The following FGF2 variants were observed in gnomAD, a reference collection of about 807,000 sequenced individuals.
The protein encoded by FGF2 is basic fibroblast growth factor bFGF.
Under a neutral mutation model 15.9 loss-of-function variants are expected in FGF2, and 13 were observed. The ratio of observed to expected loss-of-function variants is 0.82; its 90% CI spans 0.53 to 1.30. The LOEUF (loss-of-function observed/expected upper bound fraction) is 1.30. FGF2 is among the 50% of genes most tolerant of loss of function. FGF2 has a pLI of 0.00. For synonymous variants in FGF2, 90 were observed against 78.4 expected, an observed-to-expected ratio of 1.15 and a Z score of -0.78; for missense variants, 163 against 196.9, an observed-to-expected ratio of 0.83 and a Z score of 1.03.
At position 122,897,350 on chromosome 4, in the gene FGF2, C is replaced by G. The variant is rs552375660; in HGVS notation, c.*4954C>G. 2.5e-5 allele frequency: 10 copies of G among 399,604 alleles called. No homozygotes were observed. Among genetic ancestry groups the G allele is most frequent in the African/African-American group, 1.7e-4 (8 of 48,432 alleles). 24.8% of individuals were successfully genotyped at this position (399,604 alleles called of 1,614,324 possible). Reference sequence around the variant, plus strand: ...AAACTTTACTGATGTATATCCAAAGCTTCTCATTTTCAGACAGATTAATCC... The same window carrying G: ...AAACTTTACTGATGTATATCCAAAGGTTCTCATTTTCAGACAGATTAATCC... On this transcript the variant is annotated 3_prime_UTR_variant, in exon 3 of 3. Coordinates refer to ENST00000644866, the MANE Select transcript of FGF2 (RefSeq NM_001361665.2).
intron 1 of FGF2, among the ~76,000 whole-genome samples, chr4:122,868,119 A>G (rs1039383441): frequency 2.6e-5 from 4 of 152,060 alleles, no homozygotes; most frequent in Non-Finnish European, 5.9e-5. Context: ...TATTATTGAT[A>G]TGGTTAGTTT....
Position 122,832,891 on chromosome 4 carries a change from T to C in FGF2, c.178+5539T>C, listed in dbSNP as rs536136891. On this transcript the variant is annotated intron_variant, in intron 1 of 2. Coordinates refer to ENST00000644866, the MANE Select transcript of FGF2 (RefSeq NM_001361665.2). ...ACAAGGCCTTTTAAGCTAGGTTATG[T>C]ATAGCCACAGGAATTTAGGAGAGGA... is the stretch of plus-strand genomic sequence containing the variant. Among the ~76,000 whole-genome samples the C allele has an allele frequency of 1.4e-3, 212 of 152,326 alleles. 3 individuals carry two copies. Among genetic ancestry groups the C allele is most frequent in the Non-Finnish European group, 5.9e-4 (40 of 68,022 alleles).
Position 122,827,115 on chromosome 4 carries a change from A to C in FGF2, c.-60A>C. The C allele has an allele frequency of 7.9e-7, 1 of 1,259,076 alleles. No homozygotes were observed. The highest frequency in any genetic ancestry group is 1.0e-6 in the Non-Finnish European group (1 of 1,004,874). The allele number at this position is 1,259,076 out of a possible 1,614,324, so 78.0% of individuals were successfully genotyped here. A position where few individuals can be genotyped will look rare whatever the true frequency, so the allele number is the denominator to read the frequency against. Reference sequence around the variant, plus strand: ...CGGAGGCCGGGGCCGGGGCCGGGGGACGGCGGCTCCCCGCGCGGCTCCAGC... The same window carrying C: ...CGGAGGCCGGGGCCGGGGCCGGGGGCCGGCGGCTCCCCGCGCGGCTCCAGC... On this transcript the variant is annotated 5_prime_UTR_variant, in exon 1 of 3. Coordinates refer to ENST00000644866, the MANE Select transcript of FGF2 (RefSeq NM_001361665.2). This position sits in a 1 kb window ranked among gnomAD's most constrained non-coding sequence, Gnocchi z 4.2.
rs148016046 is a variant in FGF2, at chr4:122,865,125, A to G, written c.179-11196A>G. On this transcript the variant is annotated intron_variant, in intron 1 of 2. Coordinates refer to ENST00000644866, the MANE Select transcript of FGF2 (RefSeq NM_001361665.2). ...GGGTTTAATTTGCTCTTATTTTTCT[A>G]GATCATAATGTAGAAGCTTAGATTT... Among the ~76,000 whole-genome samples, 489 of 152,308 alleles carry G rather than the reference A, an allele frequency of 3.2e-3. 2 individuals are homozygous for G. The highest frequency in any genetic ancestry group is 0.011 in the African/African-American group (452 of 41,576).
rs150266031 is a variant in FGF2 at position 122,877,628 on chromosome 4, A to G, written c.282+1204A>G. On this transcript the variant is annotated intron_variant, in intron 2 of 2. Coordinates refer to ENST00000644866, the MANE Select transcript of FGF2 (RefSeq NM_001361665.2). Reference sequence around the variant, plus strand: ...CATTCCTGTCTCCGTGAGGGAGTAGATAGGACATGTATGTAAATGTTTGTG... The same window carrying G: ...CATTCCTGTCTCCGTGAGGGAGTAGGTAGGACATGTATGTAAATGTTTGTG... 1.6e-4 allele frequency among the ~76,000 whole-genome samples: 25 copies of G among 152,354 alleles called. 1 individual carries two copies. The East Asian group carries it at 3.9e-3, about 23-fold the overall frequency.
intron 2 of FGF2, chr4:122,883,147 T>C (rs1726993592): frequency 6.6e-6 from 1 of 152,248 alleles, no homozygotes; most frequent in South Asian, 2.1e-4. Flanking sequence ...TTCAGACTAC[T>C]GTGTTATGAC....
intron 1 of FGF2, among the ~76,000 whole-genome samples, chr4:122,867,924 A>G (rs1726635275): frequency 6.6e-6 from 1 of 152,200 alleles, no homozygotes; most frequent in Non-Finnish European, 1.5e-5. Flanking sequence ...TCAGATATTA[A>G]TATAGCCAGA....
intron 1 of FGF2, among the ~76,000 whole-genome samples, chr4:122,874,231 T>TTAATTTG (rs1726794048): frequency 1.3e-5 from 2 of 152,244 alleles, no homozygotes; most frequent in African/African-American, 4.8e-5. Context: ...TTGCTTATAC[T>TTAATTTG]CATTAAGATA....
At chr4:122,849,601 A>T (rs1028168375) in intron 1 of FGF2, among the ~76,000 whole-genome samples, 2 of 147,244 alleles carry the variant, frequency 1.4e-5, no homozygotes, top group Non-Finnish European at 3.0e-5. Flanking sequence ...AAAGTAAAAT[A>T]AAAAAAAAAA....
chr4:122,835,324 T>C (rs1725842987), intron 1 of FGF2, among the ~76,000 whole-genome samples: 1 of 152,134 alleles, frequency 6.6e-6, no homozygotes, highest in Non-Finnish European at 1.5e-5. Context: ...CTGTCTTTTT[T>C]TCCACTTTCT....
chr4:122,831,326 G>A (rs915429443), intron 1 of FGF2, among the ~76,000 whole-genome samples: 5 of 152,108 alleles, frequency 3.3e-5, no homozygotes, highest in Admixed American at 2.6e-4. Flanking sequence ...AGGGTAGTGA[G>A]CTGCTAGCCC....
chr4:122,897,414 T>C lies in FGF2; in HGVS notation c.*5018T>C, dbSNP rs1727395739. The C allele has an allele frequency of 3.5e-6, 2 of 572,440 alleles. No homozygotes were observed. The highest frequency in any genetic ancestry group is 2.1e-5 in the South Asian group (1 of 46,544). 35.5% of individuals were successfully genotyped at this position (572,440 alleles called of 1,614,324 possible). A position where few individuals can be genotyped will look rare whatever the true frequency, so the allele number is the denominator to read the frequency against. ...AACAGAAGAATAGGTGGTATGTTCC[T>C]AATGATATTATTTCTACTAATGGAA... is the stretch of plus-strand genomic sequence containing the variant. On this transcript the variant is annotated 3_prime_UTR_variant, in exon 3 of 3. Transcript: ENST00000644866.
At chr4:122,857,423 C>T (rs1236265986) in intron 1 of FGF2, among the ~76,000 whole-genome samples, 1 of 152,194 alleles carries the variant, frequency 6.6e-6, no homozygotes, top group Non-Finnish European at 1.5e-5. Context: ...CCTGGAGCTT[C>T]TGGAATGCCA....
chr4:122,874,663 T>C lies in FGF2; in HGVS notation c.179-1658T>C, dbSNP rs187146214. Among the ~76,000 whole-genome samples the C allele has an allele frequency of 2.6e-3, 399 of 152,242 alleles. 1 individual carries two copies. Among genetic ancestry groups the C allele is most frequent in the African/African-American group, 8.9e-3 (369 of 41,568 alleles). The stretch of plus-strand genomic sequence containing the variant: ...TATTATTTAAAATAATATATTAGCT[T>C]ATTTTAAAGCTAATCCCAGATATTA... On this transcript the variant is annotated intron_variant, in intron 1 of 2. Transcript: ENST00000644866.
chr4:122,839,372 A>AAACAAC (rs142579201), intron 1 of FGF2, among the ~76,000 whole-genome samples: 3 of 152,010 alleles, frequency 2.0e-5, no homozygotes, highest in African/African-American at 4.8e-5. Context: ...TAAGATTTTA[A>AAACAAC]AACAACAACA....
chr4:122,875,306 ATCTT>A (rs1329249317), intron 1 of FGF2, among the ~76,000 whole-genome samples: 1 of 151,916 alleles, frequency 6.6e-6, no homozygotes, highest in African/African-American at 2.4e-5. Context: ...GTGACAAGTC[ATCTT>A]TCTCAGGATC....
chr4:122,883,687 C>A (rs1727003421), intron 2 of FGF2, among the ~76,000 whole-genome samples: 1 of 152,054 alleles, frequency 6.6e-6, no homozygotes, highest in Non-Finnish European at 1.5e-5. Context: ...TTTAAATCAC[C>A]AAATGACCTC....
At chr4:122,879,723 C>A (rs1398492981) in intron 2 of FGF2, among the ~76,000 whole-genome samples, 2 of 152,174 alleles carry the variant, frequency 1.3e-5, no homozygotes, top group African/African-American at 4.8e-5. Flanking sequence ...CAAGGAAGAG[C>A]AAGTCACATC....
chr4:122,869,799 T>A (rs1395024699), intron 1 of FGF2, among the ~76,000 whole-genome samples: 1 of 152,234 alleles, frequency 6.6e-6, no homozygotes, highest in Non-Finnish European at 1.5e-5. Context: ...CAATTTGACT[T>A]CCTCTCTTCC....
Sources: allele counts gnomAD v4.1 joint callset (sites outside exome capture counted in the v4.1 genomes callset), GRCh38; gene constraint gnomAD v4.1.1; non-coding constraint Gnocchi (gnomAD v3.1); transcripts MANE v1.5; gene names NCBI Gene and HGNC (gene_info 2026-07-23, HGNC 2026-07-21).